The following KLF8 variants were observed in gnomAD, a reference collection of about 807,000 sequenced individuals.
KLF8 encodes Krueppel-like factor 8.
In KLF8, 10 loss-of-function variants were observed where a neutral mutation model predicts 18.2. That is an observed-to-expected ratio of 0.55 (90% CI 0.34 to 0.93). The LOEUF (loss-of-function observed/expected upper bound fraction) is 0.93. Among genes scored for constraint, KLF8 ranks in the 40% least tolerant of loss-of-function variants. KLF8 has a pLI of 0.02. For missense variants in KLF8, 264 were observed against 277.9 expected, an observed-to-expected ratio of 0.95 and a Z score of 0.36; for synonymous variants, 109 against 97.3, an observed-to-expected ratio of 1.12 and a Z score of -0.71.
chrX:56,273,644 T>C (rs1270809432), intron 5 of KLF8, among the ~76,000 whole-genome samples: 1 of 111,945 alleles, frequency 8.9e-6, no homozygotes, highest in Non-Finnish European at 1.9e-5. Flanking sequence ...TTTATCCATA[T>C]TGTTGCAAAT....
chrX:55,914,313 G>A, the KLF8 span, among the ~76,000 whole-genome samples: 26 of 111,834 alleles, frequency 2.3e-4, no homozygotes, highest in Admixed American at 2.5e-3. Flanking sequence ...TATGTAGTCA[G>A]CTCTGTGCTA....
chrX:56,033,091 A>C, the KLF8 span, among the ~76,000 whole-genome samples: 1 of 111,545 alleles, frequency 9.0e-6, no homozygotes, highest in Non-Finnish European at 1.9e-5. Flanking sequence ...GATTGAACTA[A>C]GAAAAGTGAC....
At chrX:56,087,235 T>G in the KLF8 span, among the ~76,000 whole-genome samples, 2 of 111,026 alleles carry the variant, frequency 1.8e-5, no homozygotes, top group Non-Finnish European at 3.8e-5. Flanking sequence ...GTATGCCTGA[T>G]ATGGTTTGGA....
chrX:56,189,787 A>ATG, the KLF8 span, among the ~76,000 whole-genome samples: 1 of 101,632 alleles, frequency 9.8e-6, no homozygotes, highest in Non-Finnish European at 2.0e-5. Context: ...TCCAAACACC[A>ATG]CATGTTCTCA....
chrX:56,195,431 A>C, the KLF8 span, among the ~76,000 whole-genome samples: 1 of 112,270 alleles, frequency 8.9e-6, no homozygotes, highest in African/African-American at 3.2e-5. Flanking sequence ...GAACTTCGTG[A>C]CACGTGCACA....
At chrX:55,973,474 C>T in the KLF8 span, among the ~76,000 whole-genome samples, 2 of 111,724 alleles carry the variant, frequency 1.8e-5, no homozygotes, top group African/African-American at 6.5e-5. Context: ...GATCTAATAT[C>T]CAGAATCCAT....
chrX:56,197,408 C>G, the KLF8 span, among the ~76,000 whole-genome samples: 33 of 111,667 alleles, frequency 3.0e-4, no homozygotes, highest in Non-Finnish European at 4.3e-4. Context: ...AAGGGGATAT[C>G]AACATTGATC....
chrX:56,154,125 T>C, the KLF8 span, among the ~76,000 whole-genome samples: 7 of 111,004 alleles, frequency 6.3e-5, no homozygotes, highest in Non-Finnish European at 1.3e-4. Context: ...CATCGCCAAG[T>C]CAATCCTAAG....
the KLF8 span, among the ~76,000 whole-genome samples, chrX:56,053,440 C>G: frequency 1.8e-5 from 2 of 110,188 alleles, no homozygotes; most frequent in African/African-American, 3.3e-5. Context: ...ATATTTACAT[C>G]AATTTTCATC....
At chrX:56,078,726 C>CTGGTAGAATT in the KLF8 span, among the ~76,000 whole-genome samples, 4 of 111,498 alleles carry the variant, frequency 3.6e-5, no homozygotes, top group Non-Finnish European at 7.5e-5. Context: ...GGTACCAGTT[C>CTGGTAGAATT]CTCCTTGTAC....
the KLF8 span, among the ~76,000 whole-genome samples, chrX:56,167,129 CT>C: frequency 9.0e-6 from 1 of 111,048 alleles, no homozygotes; most frequent in Non-Finnish European, 1.9e-5. Context: ...TTTATTTTTT[CT>C]TTCTTTCTTT....
At chrX:55,912,069 T>A in the KLF8 span, among the ~76,000 whole-genome samples, 1 of 111,809 alleles carries the variant, frequency 8.9e-6, no homozygotes, top group Non-Finnish European at 1.9e-5. Context: ...ACCACTTGCT[T>A]AGAGTTGAGG....
upstream of KLF8, among the ~76,000 whole-genome samples, chrX:56,231,225 TG>T (rs1213158231): frequency 1.8e-5 from 2 of 111,303 alleles, no homozygotes; most frequent in African/African-American, 6.5e-5. Context: ...AGGTAGTTGG[TG>T]AACTACAGGA....
chrX:56,029,628 G>A, the KLF8 span, among the ~76,000 whole-genome samples: 6 of 112,011 alleles, frequency 5.4e-5, no homozygotes, highest in Non-Finnish European at 7.5e-5. Flanking sequence ...GAAGCCCTTC[G>A]GCCAGATTAA....
At chrX:56,161,048 T>C in the KLF8 span, among the ~76,000 whole-genome samples, 44 of 111,831 alleles carry the variant, frequency 3.9e-4, no homozygotes, top group Admixed American at 3.9e-3. Context: ...TTTCCATTTT[T>C]AGTGCTTCCT....
the KLF8 span, among the ~76,000 whole-genome samples, chrX:56,164,732 T>C: frequency 3.3e-4 from 4 of 12,070 alleles, no homozygotes; most frequent in Admixed American, 4.2e-4. Context: ...GTTATCTCTT[T>C]TTTTTTTTTT....
chrX:56,225,239 T>A, the KLF8 span, among the ~76,000 whole-genome samples: 70 of 111,595 alleles, frequency 6.3e-4, no homozygotes, highest in Admixed American at 1.4e-3. Context: ...TATATTTAAA[T>A]CTGGGGTGAC....
the KLF8 span, among the ~76,000 whole-genome samples, chrX:56,075,364 A>T: frequency 8.2e-5 from 9 of 110,214 alleles, no homozygotes; most frequent in Admixed American, 6.8e-4. Flanking sequence ...AGCTTTTTAA[A>T]TTTTTTTTAT....
At chrX:56,101,934 GC>G in the KLF8 span, among the ~76,000 whole-genome samples, 1 of 111,532 alleles carries the variant, frequency 9.0e-6, no homozygotes, top group African/African-American at 3.3e-5. Flanking sequence ...CTTTTGCTGT[GC>G]AGAACCCCTC....
Sources: gnomAD v4.1 joint callset for allele counts (sites outside exome capture counted in the v4.1 genomes callset) on GRCh38, gnomAD v4.1.1 for gene constraint, MANE v1.5 for transcripts, NCBI Gene and HGNC (gene_info 2026-07-23, HGNC 2026-07-21) for gene names.